The following LRRC4C variants were observed in gnomAD, a reference collection of about 807,000 sequenced individuals.
LRRC4C encodes the protein leucine rich repeat containing 4C, also known as leucine-rich repeat-containing protein 4C.
In LRRC4C, 5 loss-of-function variants were observed where a neutral mutation model predicts 33.6. The ratio of observed to expected loss-of-function variants is 0.15; its 90% CI spans 0.08 to 0.31. The LOEUF is 0.31. LRRC4C is among the 10% of genes least tolerant of loss of function. The pLI is 1.00. For missense variants in LRRC4C, 560 were observed against 796.7 expected, an observed-to-expected ratio of 0.70 and a Z score of 3.58; for synonymous variants, 329 against 302.0, an observed-to-expected ratio of 1.09 and a Z score of -0.93.
intron 1 of LRRC4C, among the ~76,000 whole-genome samples, chr11:41,157,416 G>A (rs1423624571): frequency 6.6e-6 from 1 of 151,930 alleles, no homozygotes; most frequent in Non-Finnish European, 1.5e-5. Flanking sequence ...AAAGTCCATA[G>A]GACCATATAT....
intron 4 of LRRC4C, among the ~76,000 whole-genome samples, chr11:40,252,292 C>G (rs1866847191): frequency 6.6e-6 from 1 of 151,420 alleles, no homozygotes; most frequent in Admixed American, 6.6e-5. Context: ...CATAATATAC[C>G]CACCTAATAT....
chr11:40,756,265 C>T (rs1948939593), intron 2 of LRRC4C, among the ~76,000 whole-genome samples: 1 of 151,974 alleles, frequency 6.6e-6, no homozygotes, highest in Admixed American at 6.6e-5. Context: ...GTTGTGGCAG[C>T]CCTATCAAAC....
Position 40,116,191 on chromosome 11 carries a change from T to C in LRRC4C, c.102A>G (p.Gln34=), listed in dbSNP as rs201688769. 6.2e-7 allele frequency: 1 copy of C among 1,613,940 alleles called. No individual in the cohort carries two copies. The part of the protein sequence containing the change: ...DPLLVVLLAL[Q]LLVVAGLVRA... ...GCACCAGACCAGCCACCACAAGAAG[T>C]TGAAGAGCCAGCAGCACCACAAGCA... Residue 34 remains glutamine, a synonymous_variant, in exon 7 of 7, where the codon CAA becomes CAG. Transcript: ENST00000528697.
intron 1 of LRRC4C, among the ~76,000 whole-genome samples, chr11:41,164,994 C>G (rs1366018238): frequency 1.3e-5 from 2 of 152,122 alleles, no homozygotes; most frequent in African/African-American, 4.8e-5. Flanking sequence ...AACCTGCTCT[C>G]CATTATCTCA....
intron 1 of LRRC4C, among the ~76,000 whole-genome samples, chr11:41,099,639 A>C (rs937857095): frequency 8.5e-5 from 13 of 152,308 alleles, no homozygotes; most frequent in African/African-American, 2.6e-4. Flanking sequence ...GAATTTTAAC[A>C]TCATTTCATG....
chr11:40,957,509 T>C (rs1358301516), intron 1 of LRRC4C, among the ~76,000 whole-genome samples: 1 of 151,770 alleles, frequency 6.6e-6, no homozygotes, highest in Non-Finnish European at 1.5e-5. Context: ...CTGTATTTTC[T>C]GAACTATGTT....
chr11:40,803,193 T>C (rs1951108243), intron 2 of LRRC4C, among the ~76,000 whole-genome samples: 1 of 152,194 alleles, frequency 6.6e-6, no homozygotes, highest in Non-Finnish European at 1.5e-5. Flanking sequence ...ACATATTTAA[T>C]TCATCAACAG....
At chr11:40,658,801 T>C (rs960748848) in intron 2 of LRRC4C, among the ~76,000 whole-genome samples, 2 of 152,208 alleles carry the variant, frequency 1.3e-5, no homozygotes, top group Non-Finnish European at 2.9e-5. Flanking sequence ...GAAATGCATA[T>C]GGTCAATATC....
At chr11:40,556,113 T>C (rs1013407355) in intron 3 of LRRC4C, among the ~76,000 whole-genome samples, 2 of 152,212 alleles carry the variant, frequency 1.3e-5, no homozygotes, top group Non-Finnish European at 2.9e-5. Context: ...TAAGTAATTC[T>C]AATGTTTCCA....
chr11:40,262,285 A>G (rs1169948369), intron 4 of LRRC4C, among the ~76,000 whole-genome samples: 2 of 152,176 alleles, frequency 1.3e-5, no homozygotes, highest in Admixed American at 1.3e-4. Context: ...TTATTATTAT[A>G]CCACCTCACA....
chr11:40,682,241 G>T (rs944731221), intron 2 of LRRC4C, among the ~76,000 whole-genome samples: 1 of 150,796 alleles, frequency 6.6e-6, no homozygotes, highest in Non-Finnish European at 1.5e-5. Flanking sequence ...CTGCACTCCA[G>T]CCTGGGTGAC....
intron 3 of LRRC4C, among the ~76,000 whole-genome samples, chr11:40,534,339 A>T (rs1203496656): frequency 1.3e-5 from 2 of 152,150 alleles, no homozygotes; most frequent in African/African-American, 2.4e-5. Context: ...ATATATGTGT[A>T]TATATACATA....
At chr11:40,202,213 C>CAAAAAAAAAAAAAAAAAAAAAAA in intron 5 of LRRC4C, among the ~76,000 whole-genome samples, 1 of 65,014 alleles carries the variant, frequency 1.5e-5, no homozygotes, top group Non-Finnish European at 2.9e-5. Context: ...GTGTGATTAC[C>CAAAAAAAAAAAAAAAAAAAAAAA]AAAAAAAAAA....
intron 3 of LRRC4C, among the ~76,000 whole-genome samples, chr11:40,340,324 A>AT (rs1176707491): frequency 1.3e-5 from 2 of 152,096 alleles, no homozygotes; most frequent in South Asian, 2.1e-4. Context: ...ATTGGTTAGT[A>AT]TTTTTTTGCC....
intron 1 of LRRC4C, among the ~76,000 whole-genome samples, chr11:41,285,070 G>T (rs987999582): frequency 2.0e-5 from 3 of 152,166 alleles, no homozygotes; most frequent in Non-Finnish European, 2.9e-5. Context: ...AAAGTAGATT[G>T]TTGGTGCAAC....
At chr11:41,314,774 G>A (rs1258247868) in intron 1 of LRRC4C, among the ~76,000 whole-genome samples, 1 of 151,904 alleles carries the variant, frequency 6.6e-6, no homozygotes, top group East Asian at 1.9e-4. Flanking sequence ...TTGTGCACAT[G>A]TACCCTAGAA....
chr11:40,616,887 G>A (rs554470850), intron 3 of LRRC4C, among the ~76,000 whole-genome samples: 19 of 145,892 alleles, frequency 1.3e-4, no homozygotes, highest in Non-Finnish European at 1.2e-4. Context: ...TTGTGCACAT[G>A]TACCATAAAA....
Position 40,115,042 on chromosome 11 carries a change from A to G in LRRC4C, c.1251T>C (p.Thr417=), listed in dbSNP as rs908152149. 8 of 1,614,240 alleles carry G rather than the reference A, an allele frequency of 5.0e-6. No homozygotes were observed. The highest frequency in any genetic ancestry group is 6.8e-6 in the Non-Finnish European group (8 of 1,180,036). Residue 417 remains threonine, a synonymous_variant, in exon 7 of 7, where the codon ACT becomes ACC. Coordinates refer to ENST00000528697, the MANE Select transcript of LRRC4C (RefSeq NM_001258419.2). This position sits in a 1 kb window ranked among gnomAD's most constrained non-coding sequence, Gnocchi z 6.7. ...SDGTLNFTNV[T]VQDTGMYTCM... ...ATGTGTACATGCCTGTATCTTGCACAGTTACATTTGTGAAATTTAACGTAC... is the reference window on the plus strand; with the variant it reads ...ATGTGTACATGCCTGTATCTTGCACGGTTACATTTGTGAAATTTAACGTAC...
intron 2 of LRRC4C, among the ~76,000 whole-genome samples, chr11:40,822,750 C>T (rs1565101774): frequency 6.6e-6 from 1 of 151,698 alleles, no homozygotes; most frequent in Non-Finnish European, 1.5e-5. Context: ...TTGCCCAAAT[C>T]AATTTTCTAA....
Sources: gnomAD v4.1 joint callset for allele counts (sites outside exome capture counted in the v4.1 genomes callset) on GRCh38, gnomAD v4.1.1 for gene constraint, Gnocchi (gnomAD v3.1) non-coding constraint, MANE v1.5 for transcripts, NCBI Gene and HGNC (gene_info 2026-07-23, HGNC 2026-07-21) for gene names.